Variants in LRP1B observed in about 807,000 individuals in gnomAD.
The protein encoded by LRP1B is LDL receptor related protein 1B.
Under a neutral mutation model 556.6 loss-of-function variants are expected in LRP1B, and 217 were observed. That is an observed-to-expected ratio of 0.39 (90% CI 0.35 to 0.44). LRP1B has a LOEUF of 0.44. LRP1B is among the 20% of genes least tolerant of loss of function. The pLI is 1.00. For missense variants in LRP1B, 5,053 were observed against 5,620.8 expected, an observed-to-expected ratio of 0.90 and a Z score of 3.23; for synonymous variants, 2,047 against 1,865.8, an observed-to-expected ratio of 1.10 and a Z score of -2.50.
At chr2:141,178,252 G>A (rs748412543) in intron 7 of LRP1B, among the ~76,000 whole-genome samples, 1 of 152,092 alleles carries the variant, frequency 6.6e-6, no homozygotes, top group Non-Finnish European at 1.5e-5. Context: ...TGGAAGCACA[G>A]CTTAAGGAGA....
At chr2:140,960,612 T>C (rs1303464932) in intron 18 of LRP1B, among the ~76,000 whole-genome samples, 1 of 151,682 alleles carries the variant, frequency 6.6e-6, no homozygotes, top group Admixed American at 6.6e-5. Flanking sequence ...ATTATCAGGG[T>C]TAAATGCAAG....
chr2:142,032,244 T>C (rs368448900), intron 1 of LRP1B, among the ~76,000 whole-genome samples: 202 of 151,920 alleles, frequency 1.3e-3, no homozygotes, highest in African/African-American at 4.7e-3. Flanking sequence ...GCTTCACCTG[T>C]TTTTTCTTCC....
intron 84 of LRP1B, among the ~76,000 whole-genome samples, chr2:140,290,674 C>T (rs1318651674): frequency 1.3e-5 from 2 of 152,014 alleles, no homozygotes; most frequent in Non-Finnish European, 2.9e-5. Context: ...GTACTTTGGT[C>T]GCTTTTAGCT....
chr2:142,098,388 A>T (rs898608195), intron 1 of LRP1B, among the ~76,000 whole-genome samples: 6 of 151,804 alleles, frequency 4.0e-5, no homozygotes, highest in Non-Finnish European at 7.4e-5. Context: ...TTAAAAATAT[A>T]TATTTGAATT....
rs140945125 is a variant in LRP1B, at chr2:141,945,494, C to T, written c.83-135093G>A. Among the ~76,000 whole-genome samples the T allele has an allele frequency of 3.0e-4, 46 of 151,418 alleles. 1 individual carries two copies. The East Asian group carries it at 8.9e-3, about 29-fold the overall frequency. On this transcript the variant is annotated intron_variant, in intron 1 of 90. Transcript: ENST00000389484. ...TTTATAGAGTATTATCATTTTGAAA[C>T]TGATATTCTTCATTTCAGTTTATAT...
chr2:141,303,400 T>A (rs1686466957), intron 3 of LRP1B, among the ~76,000 whole-genome samples: 1 of 152,146 alleles, frequency 6.6e-6, no homozygotes, highest in Non-Finnish European at 1.5e-5. Flanking sequence ...TACAGTTGTA[T>A]CCATTAGTCA....
At chr2:140,916,032 A>G (rs1694568774) in intron 21 of LRP1B, among the ~76,000 whole-genome samples, 1 of 152,284 alleles carries the variant, frequency 6.6e-6, no homozygotes, top group East Asian at 1.9e-4. Flanking sequence ...TGTCTCAAGA[A>G]AAAAAACAAA....
chr2:141,826,289 T>A (rs1696918074), intron 1 of LRP1B, among the ~76,000 whole-genome samples: 1 of 151,742 alleles, frequency 6.6e-6, no homozygotes, highest in African/African-American at 2.4e-5. Context: ...GTAAATACAG[T>A]TCTATATAAT....
intron 3 of LRP1B, among the ~76,000 whole-genome samples, chr2:141,299,013 C>CTTGCAGTATGTTCTGTCAGTATAATAG (rs1686293635): frequency 6.6e-6 from 1 of 150,736 alleles, no homozygotes; most frequent in Non-Finnish European, 1.5e-5. Context: ...GAGTATAATA[C>CTTGCAGTATGTTCTGTCAGTATAATAG]CTTGCAGTAT....
chr2:140,352,872 A>T, intron 76 of LRP1B, 81 bp downstream of exon 76: 1 of 1,359,438 alleles, frequency 7.4e-7, no homozygotes, highest in Non-Finnish European at 1.0e-6. Flanking sequence ...CTGTTGCTGG[A>T]ATGAAATATA....
At chr2:141,953,337 T>C (rs1205239685) in intron 1 of LRP1B, among the ~76,000 whole-genome samples, 1 of 152,128 alleles carries the variant, frequency 6.6e-6, no homozygotes, top group East Asian at 1.9e-4. Flanking sequence ...ATTGAGTAGA[T>C]TAAAATTCAA....
chr2:140,476,768 T>A (rs16844089), intron 59 of LRP1B, among the ~76,000 whole-genome samples: 1 of 152,054 alleles, frequency 6.6e-6, no homozygotes, highest in Admixed American at 6.5e-5. Context: ...ACAAAAGGTG[T>A]AATGTTATAA....
At position 140,989,575 on chromosome 2, in the gene LRP1B, A is replaced by G. The variant is rs1396485787; in HGVS notation, c.2727T>C (p.Asn909=). Reference sequence around the variant, plus strand: ...ATTCATCTTCATTGCTCCCACAGTCATTAGCTCCATCACAAAGCCATCTCT... The same window carrying G: ...ATTCATCTTCATTGCTCCCACAGTCGTTAGCTCCATCACAAAGCCATCTCT... ...IPKRWLCDGA[N]DCGSNEDESN... The change falls in exon 17 of 91, where the codon AAT becomes AAC. Residue 909 remains asparagine, a synonymous_variant. Coordinates refer to ENST00000389484, the MANE Select transcript of LRP1B (RefSeq NM_018557.3). The G allele has an allele frequency of 6.2e-7, 1 of 1,613,340 alleles. No individual in the cohort carries two copies. Among genetic ancestry groups the G allele is most frequent in the Non-Finnish European group, 8.5e-7 (1 of 1,179,486 alleles).
chr2:141,163,090 G>A (rs1680106231), intron 7 of LRP1B, among the ~76,000 whole-genome samples: 1 of 152,042 alleles, frequency 6.6e-6, no homozygotes, highest in African/African-American at 2.4e-5. Context: ...CCTAAGTTTA[G>A]TACAGTTGCC....
At chr2:141,529,954 C>T (rs1055839988) in intron 2 of LRP1B, among the ~76,000 whole-genome samples, 4 of 152,024 alleles carry the variant, frequency 2.6e-5, no homozygotes, top group Non-Finnish European at 4.4e-5. Flanking sequence ...AGATCTCATG[C>T]AATTTTCTGT....
intron 43 of LRP1B, among the ~76,000 whole-genome samples, chr2:140,590,149 G>C (rs1336445601): frequency 6.6e-6 from 1 of 151,062 alleles, no homozygotes; most frequent in African/African-American, 2.4e-5. Context: ...TTTGTTATCT[G>C]TTCTAGAAAT....
At chr2:141,848,324 G>A (rs1697725365) in intron 1 of LRP1B, among the ~76,000 whole-genome samples, 3 of 151,442 alleles carry the variant, frequency 2.0e-5, no homozygotes, top group African/African-American at 4.8e-5. Flanking sequence ...AGTGAAGGGA[G>A]GACATGAAAT....
At chr2:140,352,531 A>G (rs17477611) in intron 76 of LRP1B, among the ~76,000 whole-genome samples, 3,086 of 152,196 alleles carry the variant, frequency 0.02, 36 homozygotes, top group African/African-American at 0.028. Flanking sequence ...TAAATTTGAA[A>G]GCAAGATCTT....
chr2:140,615,961 A>G (rs559174701), intron 41 of LRP1B, among the ~76,000 whole-genome samples: 28 of 152,174 alleles, frequency 1.8e-4, no homozygotes, highest in African/African-American at 6.7e-4. Flanking sequence ...CCTACTCATT[A>G]TAGGTAGTGA....
Sources: allele counts gnomAD v4.1 joint callset (sites outside exome capture counted in the v4.1 genomes callset), GRCh38; gene constraint gnomAD v4.1.1; transcripts MANE v1.5; gene names NCBI Gene and HGNC (gene_info 2026-07-23, HGNC 2026-07-21).